NRG1: variants seen among roughly 807,000 people sequenced by gnomAD.
NRG1 encodes pro-neuregulin-1, membrane-bound isoform.
NRG1 carries 18 observed loss-of-function variants against 63.8 expected under a neutral mutation model. That is an observed-to-expected ratio of 0.28 (90% CI 0.19 to 0.42). The LOEUF (loss-of-function observed/expected upper bound fraction) is 0.42, where lower values mean the gene tolerates loss of function less well. Ranked by LOEUF, NRG1 falls within the 10% of genes least tolerant of loss-of-function variation. NRG1 has a pLI of 1.00. For missense variants in NRG1, 762 were observed against 814.7 expected (o/e 0.94, Z 0.79); for synonymous variants, 302 against 301.3 (o/e 1.00, Z -0.02).
intron 1 of NRG1, among the ~76,000 whole-genome samples, chr8:32,282,186 G>A (rs1852939397): frequency 6.6e-6 from 1 of 152,188 alleles, no homozygotes; most frequent in African/African-American, 2.4e-5. Context: ...CACAGGTGGT[G>A]CATTTGTGCC....
At chr8:32,382,998 G>A (rs542320278) in intron 1 of NRG1, among the ~76,000 whole-genome samples, 11 of 151,818 alleles carry the variant, frequency 7.2e-5, no homozygotes, top group Non-Finnish European at 1.5e-4. Context: ...GAGGCAGGAG[G>A]ATCATTTGAG....
At chr8:32,038,854 G>A (rs1370056033) in intron 1 of NRG1, among the ~76,000 whole-genome samples, 1 of 152,166 alleles carries the variant, frequency 6.6e-6, no homozygotes, top group African/African-American at 2.4e-5. Context: ...CATTTTGCTT[G>A]CGTGAAAGAG....
At chr8:32,526,569 C>T (rs185307454) in intron 1 of NRG1, among the ~76,000 whole-genome samples, 14 of 152,070 alleles carry the variant, frequency 9.2e-5, no homozygotes, top group African/African-American at 7.2e-5. Context: ...TATAGGAGGC[C>T]AAGGTGATAA....
chr8:31,995,958 C>G (rs934591099), intron 1 of NRG1, among the ~76,000 whole-genome samples: 12 of 151,632 alleles, frequency 7.9e-5, no homozygotes, highest in African/African-American at 2.4e-4. Context: ...TTTCAAAGCC[C>G]CTTTGAAATG....
chr8:32,518,190 G>A (rs1830017117), intron 1 of NRG1, among the ~76,000 whole-genome samples: 1 of 151,998 alleles, frequency 6.6e-6, no homozygotes, highest in Admixed American at 6.6e-5. Context: ...TTTTGATCCT[G>A]AACATCCTTG....
chr8:32,668,908 C>T (rs555651370), intron 5 of NRG1, among the ~76,000 whole-genome samples: 25 of 152,216 alleles, frequency 1.6e-4, no homozygotes, highest in African/African-American at 3.9e-4. Flanking sequence ...CATTTAGTAA[C>T]GGATTTTCTT....
chr8:32,435,818 T>C (rs1364956726), intron 1 of NRG1, among the ~76,000 whole-genome samples: 1 of 152,202 alleles, frequency 6.6e-6, no homozygotes, highest in Non-Finnish European at 1.5e-5. Flanking sequence ...AGGATCCTAA[T>C]ATAGGATGTA....
At chr8:31,987,884 T>C (rs381991) in intron 1 of NRG1, among the ~76,000 whole-genome samples, 128,793 of 152,080 alleles carry the variant, frequency 0.85, 55,418 homozygotes, top group African/African-American at 0.96. Context: ...GGTCTTTACC[T>C]TCATTTTAGG....
At chr8:31,835,695 C>T (rs1825627482) in intron 1 of NRG1, among the ~76,000 whole-genome samples, 1 of 152,122 alleles carries the variant, frequency 6.6e-6, no homozygotes, top group African/African-American at 2.4e-5. Context: ...CTATTCATTT[C>T]AACCACATTA....
Position 32,408,732 on chromosome 8 carries a change from G to GT in NRG1, c.38-187088dup, listed in dbSNP as rs1168232885. Among the ~76,000 whole-genome samples the GT allele has an allele frequency of 9.2e-5, 14 of 151,968 alleles. No individual in the cohort carries two copies. The East Asian group carries it at 2.1e-3, about 23-fold the overall frequency. On this transcript the variant is annotated intron_variant, in intron 1 of 10. Transcript: ENST00000519301. The stretch of plus-strand genomic sequence containing the variant: ...TTTTATAAACAAGAAGGCTGGGTTT[G>GT]TTTTTTTTAAGTTTTTCTGTTTTTA...
chr8:32,200,924 A>G (rs1478301304), intron 1 of NRG1, among the ~76,000 whole-genome samples: 1 of 152,096 alleles, frequency 6.6e-6, no homozygotes, highest in African/African-American at 2.4e-5. Context: ...CTGTGCAGCA[A>G]CAGAGAGGGA....
chr8:32,308,226 G>A lies in NRG1; in HGVS notation c.38-287602G>A, dbSNP rs375215117. Among the ~76,000 whole-genome samples, 6 of 152,098 alleles carry A rather than the reference G, an allele frequency of 3.9e-5. No individual in the cohort carries two copies. The East Asian group carries it at 5.8e-4, about 15-fold the overall frequency. On this transcript the variant is annotated intron_variant, in intron 1 of 10. Coordinates refer to the NRG1 transcript ENST00000519301. ...AACATCAATACATTTAGAATCCTTC[G>A]CTTTCCAAGACTCTAACTGATTTGT...
rs565430754 is a variant in NRG1 at position 31,928,192 on chromosome 8, T to A, written c.37+288761T>A. 2.8e-3 allele frequency among the ~76,000 whole-genome samples: 426 copies of A among 150,482 alleles called. 1 individual carries two copies. The highest frequency in any genetic ancestry group is 9.9e-3 in the African/African-American group (408 of 41,010). On this transcript the variant is annotated intron_variant, in intron 1 of 10. Transcript: ENST00000519301. ...TGAAGAGGAATATCTGTGAAGGGGG[T>A]CTTTCTTGGTATTTTTGAAGTTCCA...
intron 1 of NRG1, among the ~76,000 whole-genome samples, chr8:31,869,604 G>T (rs1372780165): frequency 6.6e-6 from 1 of 152,184 alleles, no homozygotes. Context: ...TTAAGCTCTT[G>T]CCTCGTTTTT....
intron 1 of NRG1, among the ~76,000 whole-genome samples, chr8:32,535,592 G>T (rs1563598114): frequency 6.6e-6 from 1 of 152,160 alleles, no homozygotes; most frequent in Non-Finnish European, 1.5e-5. Flanking sequence ...TCCATTCCAT[G>T]TTCTGTGAAT....
At chr8:32,540,864 C>T (rs1271464419) in intron 1 of NRG1, among the ~76,000 whole-genome samples, 1 of 151,920 alleles carries the variant, frequency 6.6e-6, no homozygotes, top group Non-Finnish European at 1.5e-5. Context: ...GGAAAAACAA[C>T]ATTTTCCATA....
chr8:32,505,577 C>T (rs1211817906), intron 1 of NRG1, among the ~76,000 whole-genome samples: 1 of 152,178 alleles, frequency 6.6e-6, no homozygotes, highest in Non-Finnish European at 1.5e-5. Context: ...GCAGAAGACT[C>T]TGCCCTCATG....
rs566943853 is a variant in NRG1 at position 32,274,725 on chromosome 8, G to A, written c.38-321103G>A. On this transcript the variant is annotated intron_variant, in intron 1 of 10. Transcript: ENST00000519301. ...ACCCCAATTTAAACATCCACAGGAA[G>A]CCAAACAAAATATGCCCATCTGCTC... Among the ~76,000 whole-genome samples, 250 of 152,220 alleles carry A rather than the reference G, an allele frequency of 1.6e-3. 2 individuals are homozygous for A. Among genetic ancestry groups the A allele is most frequent in the South Asian group, 7.1e-3 (34 of 4,818 alleles).
chr8:32,421,448 T>C (rs1171896226), intron 1 of NRG1, among the ~76,000 whole-genome samples: 1 of 152,160 alleles, frequency 6.6e-6, no homozygotes, highest in South Asian at 2.1e-4. Flanking sequence ...AGATAATTGC[T>C]GGGCAGCTAG....
Sources: allele counts gnomAD v4.1 joint callset (sites outside exome capture counted in the v4.1 genomes callset), GRCh38; gene constraint gnomAD v4.1.1; transcripts MANE v1.5; gene names NCBI Gene and HGNC (gene_info 2026-07-23, HGNC 2026-07-21).